Variants in ANKFN1 observed in about 807,000 individuals in gnomAD.
ANKFN1 encodes the protein ankyrin repeat and fibronectin type-III domain-containing protein 1.
In ANKFN1, 74 loss-of-function variants were observed where a neutral mutation model predicts 108.7. The observed-to-expected ratio is 0.68, with a 90% CI of 0.56 to 0.83. The LOEUF is 0.83. Among genes scored for constraint, ANKFN1 ranks in the 40% least tolerant of loss-of-function variants. The pLI, the probability that ANKFN1 is intolerant of heterozygous loss-of-function variation, is 0.00. For missense variants in ANKFN1, 1,505 were observed against 1,382.3 expected (o/e 1.09, Z -1.41); for synonymous variants, 547 against 516.2 (o/e 1.06, Z -0.81).
At chr17:56,335,404 A>C (rs142942289) in intron 4 of ANKFN1, among the ~76,000 whole-genome samples, 4,354 of 152,108 alleles carry the variant, frequency 0.029, 201 homozygotes, top group African/African-American at 0.1. Context: ...TTGAGCAGTG[A>C]TTTGTAGTTC....
chr17:56,434,366 C>T (rs1183033913), intron 8 of ANKFN1, among the ~76,000 whole-genome samples: 2 of 119,554 alleles, frequency 1.7e-5, no homozygotes, highest in Non-Finnish European at 3.4e-5. Context: ...TGCAAGAAGG[C>T]TTTTCTAGTG....
intron 8 of ANKFN1, among the ~76,000 whole-genome samples, chr17:56,391,091 C>T (rs953966123): frequency 4.6e-5 from 7 of 150,782 alleles, no homozygotes; most frequent in South Asian, 2.1e-4. Context: ...GAAAATGTTC[C>T]GTGGACACTT....
At chr17:56,322,532 C>T (rs913480974) in intron 3 of ANKFN1, among the ~76,000 whole-genome samples, 1 of 152,284 alleles carries the variant, frequency 6.6e-6, no homozygotes, top group East Asian at 1.9e-4. Flanking sequence ...CCCAATTTAG[C>T]TCCTGCTTAC....
rs575378322 is a variant in ANKFN1 at position 56,385,325 on chromosome 17, T to A, written c.910+10611T>A. On this transcript the variant is annotated intron_variant, in intron 8 of 20. Transcript: ENST00000682825. ...ACCTTATATAAAAATTAATTCAAGA[T>A]GGATTAAAGACTTAAATGTTAGACC... is the stretch of plus-strand genomic sequence containing the variant. Among the ~76,000 whole-genome samples the A allele has an allele frequency of 3.3e-5, 5 of 152,272 alleles. No individual in the cohort carries two copies. The East Asian group carries it at 5.8e-4, about 18-fold the overall frequency.
intron 8 of ANKFN1, among the ~76,000 whole-genome samples, chr17:56,409,431 C>A (rs2048022940): frequency 6.6e-6 from 1 of 152,032 alleles, no homozygotes; most frequent in Admixed American, 6.6e-5. Context: ...ATAAGAAGAC[C>A]CTGGAAGGTG....
intron 8 of ANKFN1, among the ~76,000 whole-genome samples, chr17:56,393,990 GC>G (rs2047509972): frequency 6.6e-6 from 1 of 152,224 alleles, no homozygotes; most frequent in Admixed American, 6.5e-5. Flanking sequence ...CTCTGAGTAT[GC>G]AGCAATGAAC....
At chr17:56,365,987 A>G (rs1215731087) in intron 6 of ANKFN1, among the ~76,000 whole-genome samples, 1 of 152,144 alleles carries the variant, frequency 6.6e-6, no homozygotes, top group Non-Finnish European at 1.5e-5. Context: ...GGTACTCTAG[A>G]AGAAGGCATT....
chr17:56,239,311 T>C (rs1917404938), intron 3 of ANKFN1, among the ~76,000 whole-genome samples: 1 of 152,120 alleles, frequency 6.6e-6, no homozygotes, highest in South Asian at 2.1e-4. Flanking sequence ...AAAGATCTAG[T>C]GTTCAATAGT....
intron 8 of ANKFN1, among the ~76,000 whole-genome samples, chr17:56,427,080 G>A (rs1182600168): frequency 1.3e-5 from 2 of 152,160 alleles, no homozygotes; most frequent in Non-Finnish European, 2.9e-5. Flanking sequence ...AGAAGACTGG[G>A]GCTGGCCTCC....
intron 1 of ANKFN1, among the ~76,000 whole-genome samples, chr17:56,190,120 T>C (rs1912741748): frequency 7.0e-6 from 1 of 142,086 alleles, no homozygotes; most frequent in African/African-American, 2.6e-5. Context: ...TTATTAGTCT[T>C]GCTAGCGGTC....
chr17:56,273,872 A>T (rs1154928), intron 3 of ANKFN1, among the ~76,000 whole-genome samples: 1 of 152,030 alleles, frequency 6.6e-6, no homozygotes, highest in Non-Finnish European at 1.5e-5. Flanking sequence ...AATGAAAAAG[A>T]CTGGGATAAG....
chr17:56,155,856 G>T (rs137929723), intron 1 of ANKFN1, among the ~76,000 whole-genome samples: 1 of 152,252 alleles, frequency 6.6e-6, no homozygotes, highest in East Asian at 1.9e-4. Flanking sequence ...CAGCAAATGC[G>T]CAGAGGATAG....
chr17:56,326,250 A>G lies in ANKFN1; in HGVS notation c.83A>G (p.Gln28Arg). 1 of 1,613,816 alleles carries G rather than the reference A, an allele frequency of 6.2e-7. No homozygotes were observed. Among genetic ancestry groups the G allele is most frequent in the Non-Finnish European group, 8.5e-7 (1 of 1,179,812 alleles). ...GGAAGGAGATTCGCTTGCTTTGCAC[A>G]GAGGCTGAGCCACAGGAGAAAGCAA... is the stretch of plus-strand genomic sequence containing the variant. ...IIGRRFACFA[Q>R]RLSHRRKQSQ... The change falls in exon 4 of 21, where the codon CAG (glutamine) becomes CGG (arginine). Residue 28 changes from glutamine to arginine, a missense_variant. Gln to Arg is a conservative substitution (Grantham distance 43). Coordinates refer to ENST00000682825, the MANE Select transcript of ANKFN1 (RefSeq NM_001370326.1).
At chr17:56,205,740 A>G (rs755516973) in intron 1 of ANKFN1, among the ~76,000 whole-genome samples, 3 of 152,122 alleles carry the variant, frequency 2.0e-5, no homozygotes, top group Admixed American at 6.6e-5. Flanking sequence ...CATTATATCT[A>G]TAGAGTGTTA....
chr17:56,507,863 C>T (rs189034064), intron 20 of ANKFN1, among the ~76,000 whole-genome samples: 17 of 152,278 alleles, frequency 1.1e-4, no homozygotes, highest in Middle Eastern at 3.4e-3. Context: ...GCCACCTTAT[C>T]GAAAGCATCT....
upstream of ANKFN1, among the ~76,000 whole-genome samples, chr17:56,152,339 G>A (rs117840785): frequency 2.3e-4 from 34 of 150,286 alleles, no homozygotes; most frequent in East Asian, 5.9e-3. Flanking sequence ...AACTCAGTAC[G>A]AATATCCTCA....
Position 56,094,577 on chromosome 17 carries a change from C to T in ANKFN1, c.288+48252C>T, listed in dbSNP as rs191533833. The stretch of plus-strand genomic sequence containing the variant: ...GGAGTGCAGTGGCATGATCTCAGCT[C>T]ACTGCAACCTCCGCCTCCTGGGATC... On this transcript the variant is annotated intron_variant, in intron 4 of 12. Coordinates refer to the ANKFN1 transcript ENST00000635860. 3.0e-4 allele frequency among the ~76,000 whole-genome samples: 43 copies of T among 144,358 alleles called. 1 individual carries two copies. The highest frequency in any genetic ancestry group is 1.8e-3 in the Admixed American group (26 of 14,200). The allele number at this position is 144,358 out of a possible 152,430, so 94.7% of individuals were successfully genotyped here. A position where few individuals can be genotyped will look rare whatever the true frequency, so the allele number is the denominator to read the frequency against.
At chr17:56,117,909 G>C (rs891221425) in intron 4 of ANKFN1, among the ~76,000 whole-genome samples, 4 of 151,994 alleles carry the variant, frequency 2.6e-5, no homozygotes, top group African/African-American at 9.7e-5. Context: ...CTCCAGGCCT[G>C]GCTACCAGAC....
At chr17:56,403,834 T>A (rs190636907) in intron 8 of ANKFN1, among the ~76,000 whole-genome samples, 91 of 152,342 alleles carry the variant, frequency 6.0e-4, no homozygotes, top group Non-Finnish European at 3.1e-4. Context: ...GAGCTCCTTT[T>A]AGCAGTTCTT....
Sources: gnomAD v4.1 joint callset for allele counts (sites outside exome capture counted in the v4.1 genomes callset) on GRCh38, gnomAD v4.1.1 for gene constraint, MANE v1.5 for transcripts, NCBI Gene and HGNC (gene_info 2026-07-23, HGNC 2026-07-21) for gene names.